PTK2B: variants seen among roughly 807,000 people sequenced by gnomAD.
PTK2B encodes protein-tyrosine kinase 2-beta.
PTK2B carries 71 observed loss-of-function variants against 142.9 expected under a neutral mutation model. The observed-to-expected ratio is 0.50, with a 90% CI of 0.41 to 0.61. PTK2B has a LOEUF of 0.61. PTK2B is among the 20% of genes least tolerant of loss of function. The pLI, the probability that PTK2B is intolerant of heterozygous loss-of-function variation, is 0.00. For missense variants in PTK2B, 1,105 were observed against 1,320.4 expected, an observed-to-expected ratio of 0.84 and a Z score of 2.53; for synonymous variants, 519 against 503.4, an observed-to-expected ratio of 1.03 and a Z score of -0.42.
intron 1 of PTK2B, among the ~76,000 whole-genome samples, chr8:27,330,042 G>A (rs915766861): frequency 1.3e-5 from 2 of 152,162 alleles, no homozygotes; most frequent in African/African-American, 4.8e-5. Flanking sequence ...CACCCCGTCA[G>A]TGCATCTTGT....
At chr8:27,444,135 T>C in intron 22 of PTK2B, 71 bp from the exon 23 acceptor site, 2 of 1,477,060 alleles carry the variant, frequency 1.4e-6, no homozygotes, top group Non-Finnish European at 9.5e-7. Flanking sequence ...TTTGACCTGA[T>C]GTTCCCCTTG....
At chr8:27,317,553 T>C (rs1435664253) in intron 3 of PTK2B, among the ~76,000 whole-genome samples, 1 of 152,270 alleles carries the variant, frequency 6.6e-6, no homozygotes, top group Non-Finnish European at 1.5e-5. Flanking sequence ...TTGCTGTCAT[T>C]GTAAATGGAA....
intron 1 of PTK2B, among the ~76,000 whole-genome samples, chr8:27,382,135 A>C (rs1460745011): frequency 6.6e-6 from 1 of 152,028 alleles, no homozygotes; most frequent in Admixed American, 6.6e-5. Flanking sequence ...TTTAATAGAG[A>C]GGGGCTTTCC....
At chr8:27,335,895 A>G (rs935679772) in intron 1 of PTK2B, among the ~76,000 whole-genome samples, 4 of 152,156 alleles carry the variant, frequency 2.6e-5, no homozygotes, top group Admixed American at 6.5e-5. Context: ...CCCAATATAA[A>G]CCAGGCAAAA....
At chr8:27,348,454 T>A (rs752621247) in intron 1 of PTK2B, among the ~76,000 whole-genome samples, 1 of 152,140 alleles carries the variant, frequency 6.6e-6, no homozygotes, top group East Asian at 1.9e-4. Flanking sequence ...CACACACACC[T>A]CCTGGAACTC....
At chr8:27,371,138 A>G (rs1012581338) in intron 1 of PTK2B, among the ~76,000 whole-genome samples, 1 of 151,824 alleles carries the variant, frequency 6.6e-6, no homozygotes, top group Non-Finnish European at 1.5e-5. Context: ...CAAGTGATAC[A>G]CCCGCCTCAG....
intron 26 of PTK2B, 62 bp downstream of exon 26, chr8:27,451,140 A>G: frequency 6.4e-7 from 1 of 1,559,934 alleles, no homozygotes; most frequent in South Asian, 1.1e-5. Context: ...CGCCCACCAT[A>G]GGACCCCCCG....
In PTK2B at chr8:27,431,464, G is replaced by C. The variant is rs1810417865; in HGVS notation, c.877G>C (p.Asp293His). 2 of 1,614,136 alleles carry C rather than the reference G, an allele frequency of 1.2e-6. No homozygotes were observed. Among genetic ancestry groups the C allele is most frequent in the Middle Eastern group, 3.3e-4 (2 of 6,048 alleles). Residue 293 changes from aspartate to histidine, a missense_variant, in exon 9 of 31, where the codon GAC (aspartate) becomes CAC (histidine). Transcript: ENST00000346049. Reference sequence around the variant, plus strand: ...AGGGATCCGCCAGCTGACTAGTCAGGACGCAAAGGTAGAGAGACCCGGGGC... The same window carrying C: ...AGGGATCCGCCAGCTGACTAGTCAGCACGCAAAGGTAGAGAGACCCGGGGC... Reference protein sequence around the residue: ...PKGIRQLTSQDAKPTCLAEFK... With the variant: ...PKGIRQLTSQHAKPTCLAEFK...
chr8:27,420,865 G>T, intron 4 of PTK2B, 121 bp downstream of exon 4: 1 of 906,302 alleles, frequency 1.1e-6, no homozygotes, highest in South Asian at 1.6e-5. Flanking sequence ...CCCAGGCTAG[G>T]AAGCTTCTCT....
At chr8:27,343,025 G>A (rs1361661236) in intron 1 of PTK2B, among the ~76,000 whole-genome samples, 1 of 152,152 alleles carries the variant, frequency 6.6e-6, no homozygotes, top group South Asian at 2.1e-4. Context: ...TGATGTGGCC[G>A]AGTGCCAGGG....
intron 5 of PTK2B, 104 bp from the exon 6 acceptor site, chr8:27,429,989 C>T: frequency 9.7e-7 from 1 of 1,027,660 alleles, no homozygotes; most frequent in Middle Eastern, 2.0e-4. Context: ...TGATGATTCC[C>T]ACGTATGGCA....
intron 1 of PTK2B, among the ~76,000 whole-genome samples, chr8:27,360,006 C>A (rs1586157425): frequency 6.6e-6 from 1 of 152,184 alleles, no homozygotes; most frequent in African/African-American, 2.4e-5. Flanking sequence ...TAGATTTTTC[C>A]GGATATTTCT....
intron 1 of PTK2B, among the ~76,000 whole-genome samples, chr8:27,370,802 G>T (rs111524258): frequency 6.6e-6 from 1 of 152,192 alleles, no homozygotes; most frequent in Non-Finnish European, 1.5e-5. Flanking sequence ...GCAACTCTAT[G>T]ATGAAAAGAG....
chr8:27,435,095 T>C (rs928786877), intron 13 of PTK2B, among the ~76,000 whole-genome samples: 2 of 152,238 alleles, frequency 1.3e-5, no homozygotes, highest in Admixed American at 6.5e-5. Context: ...TACTATAGAC[T>C]GGGTGGCTTA....
chr8:27,320,803 G>A (rs1482447153), upstream of PTK2B, among the ~76,000 whole-genome samples: 2 of 151,712 alleles, frequency 1.3e-5, no homozygotes. Flanking sequence ...TACAGTATTG[G>A]CCATGGGTGA....
intron 1 of PTK2B, among the ~76,000 whole-genome samples, chr8:27,364,036 A>G (rs550329737): frequency 6.6e-6 from 1 of 152,194 alleles, no homozygotes; most frequent in South Asian, 2.1e-4. Context: ...CACTCTACAT[A>G]CAAACACCTG....
intron 20 of PTK2B, 142 bp downstream of exon 20, chr8:27,439,540 C>A: frequency 1.1e-6 from 1 of 940,602 alleles, no homozygotes; most frequent in Admixed American, 2.1e-5. Flanking sequence ...ACTGAGAAGT[C>A]TCAGAGGTGG....
intron 3 of PTK2B, among the ~76,000 whole-genome samples, chr8:27,317,103 T>A (rs1443984846): frequency 6.6e-6 from 1 of 152,232 alleles, no homozygotes; most frequent in African/African-American, 2.4e-5. Context: ...TATCCTGATA[T>A]GAACCAATGT....
chr8:27,395,335 C>T (rs1807981851), intron 1 of PTK2B, among the ~76,000 whole-genome samples: 1 of 152,180 alleles, frequency 6.6e-6, no homozygotes, highest in South Asian at 2.1e-4. Flanking sequence ...AGCTCCATTC[C>T]ACTCTTTGGG....
Sources: gnomAD v4.1 joint callset for allele counts (sites outside exome capture counted in the v4.1 genomes callset) on GRCh38, gnomAD v4.1.1 for gene constraint, MANE v1.5 for transcripts, NCBI Gene and HGNC (gene_info 2026-07-23, HGNC 2026-07-21) for gene names.